Variants in G2E3 observed in about 807,000 individuals in gnomAD.
G2E3 encodes G2/M-phase specific E3 ubiquitin protein ligase, also known as G2/M phase-specific E3 ubiquitin-protein ligase.
Under a neutral mutation model 92.8 loss-of-function variants are expected in G2E3, and 35 were observed. That is an observed-to-expected ratio of 0.38 (90% CI 0.29 to 0.50). The LOEUF (loss-of-function observed/expected upper bound fraction) is 0.50, where lower values mean the gene tolerates loss of function less well. Among genes scored for constraint, G2E3 ranks in the 20% least tolerant of loss-of-function variants. G2E3 has a pLI of 0.94. For synonymous variants in G2E3, 242 were observed against 272.4 expected, an observed-to-expected ratio of 0.89 and a Z score of 1.10; for missense variants, 554 against 823.8, an observed-to-expected ratio of 0.67 and a Z score of 4.01.
intron 7 of G2E3, chr14:30,598,175 A>G: frequency 4.2e-6 from 1 of 237,428 alleles, no homozygotes; most frequent in South Asian, 5.8e-5. Context: ...ACCCAAGGTC[A>G]GGAGTTCAAG....
At chr14:30,598,659 G>C in intron 8 of G2E3, 60 bp downstream of exon 8, 1 of 1,070,560 alleles carries the variant, frequency 9.3e-7, no homozygotes, top group Non-Finnish European at 1.5e-6. Context: ...TGCTGAGAAA[G>C]TAGATTTTAT....
At chr14:30,592,111 C>T (rs975817986) in intron 4 of G2E3, among the ~76,000 whole-genome samples, 4 of 152,032 alleles carry the variant, frequency 2.6e-5, no homozygotes, top group Middle Eastern at 3.4e-3. Context: ...TTTTCTTTAT[C>T]GAAATTGTTA....
intron 13 of G2E3, 36 bp from the exon 14 acceptor site, chr14:30,615,313 G>T (rs555378880): frequency 9.3e-7 from 1 of 1,079,962 alleles, no homozygotes; most frequent in Non-Finnish European, 1.4e-6. Context: ...AAACACACAT[G>T]TATGAATGTT....
intron 14 of G2E3, 32 bp from the exon 15 acceptor site, chr14:30,616,246 T>G (rs1488187376): frequency 7.0e-7 from 1 of 1,436,466 alleles, no homozygotes; most frequent in African/African-American, 1.4e-5. Context: ...TACTTTTGTT[T>G]CTTTTACTCT....
At chr14:30,612,879 G>A (rs753344576) in intron 13 of G2E3, among the ~76,000 whole-genome samples, 49 of 152,208 alleles carry the variant, frequency 3.2e-4, no homozygotes, top group Admixed American at 1.1e-3. Context: ...AAAGAATTGT[G>A]TAAATGTATG....
chr14:30,582,511 T>A (rs913385555), intron 2 of G2E3, among the ~76,000 whole-genome samples: 1 of 152,170 alleles, frequency 6.6e-6, no homozygotes, highest in African/African-American at 2.4e-5. Context: ...CATCCAGGGT[T>A]CATGGCAAGA....
At chr14:30,598,695 TA>T in intron 8 of G2E3, 96 bp downstream of exon 8, 1 of 832,108 alleles carries the variant, frequency 1.2e-6, no homozygotes, top group Non-Finnish European at 2.1e-6. Context: ...GTTTTTCTCT[TA>T]GGATGTTAGA....
intron 3 of G2E3, among the ~76,000 whole-genome samples, chr14:30,587,414 C>T (rs1158694922): frequency 6.6e-6 from 1 of 152,174 alleles, no homozygotes; most frequent in Non-Finnish European, 1.5e-5. Flanking sequence ...ACCACCTTAG[C>T]ATGCCAGGCT....
intron 8 of G2E3, among the ~76,000 whole-genome samples, chr14:30,598,994 T>A (rs1005936757): frequency 2.0e-5 from 3 of 152,164 alleles, no homozygotes; most frequent in African/African-American, 7.2e-5. Context: ...AATAAATTTA[T>A]TTTCTCATAA....
chr14:30,596,131 T>TGG (rs1555339701), intron 6 of G2E3, among the ~76,000 whole-genome samples: 1 of 68,466 alleles, frequency 1.5e-5, no homozygotes, highest in East Asian at 5.9e-4. Context: ...GGTGGGTGGG[T>TGG]GTGCGTGTGT....
At chr14:30,563,813 C>G (rs139017664) in intron 1 of G2E3, among the ~76,000 whole-genome samples, 16 of 151,686 alleles carry the variant, frequency 1.1e-4, no homozygotes, top group East Asian at 9.7e-4. Context: ...TCCGCCTTCC[C>G]GGTTCCAGTG....
intron 1 of G2E3, among the ~76,000 whole-genome samples, chr14:30,564,827 C>A (rs1029745761): frequency 5.3e-5 from 8 of 152,192 alleles, no homozygotes; most frequent in African/African-American, 1.9e-4. Flanking sequence ...CATAATCATT[C>A]TATGGATATA....
intron 1 of G2E3, among the ~76,000 whole-genome samples, chr14:30,571,609 A>G (rs972823623): frequency 1.3e-5 from 2 of 151,974 alleles, no homozygotes; most frequent in African/African-American, 2.4e-5. Context: ...TATGAGGTCA[A>G]TGTTCTTCCC....
chr14:30,580,166 C>T (rs780003335), intron 1 of G2E3, among the ~76,000 whole-genome samples: 2 of 152,040 alleles, frequency 1.3e-5, no homozygotes, highest in African/African-American at 4.8e-5. Context: ...ATGCAACAGC[C>T]ACAAATACGG....
At position 30,581,111 on chromosome 14, in the gene G2E3, A is replaced by C; in HGVS notation, c.32A>C (p.Asn11Thr). MNESKPGDSQ[N>T]LACVFCRKHD... The stretch of plus-strand genomic sequence containing the variant: ...GAAAGTAAACCTGGTGACTCACAGA[A>C]CCTTGGTAAGTAACTGTATTTAAAA... The change falls in exon 2 of 15, where the codon AAC (asparagine) becomes ACC (threonine). Residue 11 changes from asparagine (N) to threonine (T), a missense_variant. Around this residue, in one of 3 missense-constraint regions of G2E3, gnomAD observed 137 missense variants for 201.3 expected, o/e 0.68. Coordinates refer to ENST00000206595, the MANE Select transcript of G2E3 (RefSeq NM_017769.5). 1.4e-6 allele frequency: 2 copies of C among 1,461,104 alleles called. No homozygotes were observed. The highest frequency in any genetic ancestry group is 1.9e-6 in the Non-Finnish European group (2 of 1,042,496). The allele number at this position is 1,461,104 out of a possible 1,614,324, so 90.5% of individuals were successfully genotyped here. A position where few individuals can be genotyped will look rare whatever the true frequency, so the allele number is the denominator to read the frequency against.
At chr14:30,577,513 G>A (rs930345500) in intron 1 of G2E3, among the ~76,000 whole-genome samples, 6 of 152,182 alleles carry the variant, frequency 3.9e-5, no homozygotes, top group Non-Finnish European at 2.9e-5. Context: ...AATTGCAGTC[G>A]TATGAAGGCT....
At chr14:30,593,756 A>G in intron 6 of G2E3, 117 bp downstream of exon 6, 3 of 719,584 alleles carry the variant, frequency 4.2e-6, no homozygotes, top group Non-Finnish European at 6.9e-6. Flanking sequence ...TGTTACTTTT[A>G]AAACAGCTTT....
At chr14:30,610,563 A>C (rs1410582637) in intron 12 of G2E3, among the ~76,000 whole-genome samples, 1 of 152,194 alleles carries the variant, frequency 6.6e-6, no homozygotes, top group Non-Finnish European at 1.5e-5. Context: ...GGATCATGCC[A>C]CTGCACTCCA....
Position 30,601,846 on chromosome 14 carries a change from G to A in G2E3, c.829G>A (p.Glu277Lys). 1 of 1,613,932 alleles carries A rather than the reference G, an allele frequency of 6.2e-7. No homozygotes were observed. Among genetic ancestry groups the A allele is most frequent in the South Asian group, 1.1e-5 (1 of 91,066 alleles). The change falls in exon 9 of 15, where the codon GAG becomes AAG. Residue 277 changes from glutamate (E) to lysine (K), a missense_variant. Coordinates refer to ENST00000206595, the MANE Select transcript of G2E3 (RefSeq NM_017769.5). ...HLACSSLRSW[E>K]QNWECLECRG... ...AGCCTGCTCCTCATTACGGTCATGG[G>A]AGCAAAATTGGGAGTGTTTGGAATG...
Sources: gnomAD v4.1 joint callset for allele counts (sites outside exome capture counted in the v4.1 genomes callset) on GRCh38, gnomAD v4.1.1 for gene constraint, gnomAD v4.1.1 regional missense constraint, MANE v1.5 for transcripts, NCBI Gene and HGNC (gene_info 2026-07-23, HGNC 2026-07-21) for gene names.